PCDHGB5: variants seen among roughly 807,000 people sequenced by gnomAD.
PCDHGB5 encodes the protein protocadherin gamma-B5.
Under a neutral mutation model 62.9 loss-of-function variants are expected in PCDHGB5, and 48 were observed. The observed-to-expected ratio is 0.76, with a 90% CI of 0.61 to 0.97. The LOEUF is 0.97. PCDHGB5 is among the 50% of genes least tolerant of loss of function. The pLI is 0.00. For missense variants in PCDHGB5, 1,118 were observed against 1,198.6 expected, an observed-to-expected ratio of 0.93 and a Z score of 0.99; for synonymous variants, 474 against 511.2, an observed-to-expected ratio of 0.93 and a Z score of 0.98.
At chr5:141,467,649 T>C (rs2099147987) in intron 1 of PCDHGB5, among the ~76,000 whole-genome samples, 1 of 152,146 alleles carries the variant, frequency 6.6e-6, no homozygotes, top group Non-Finnish European at 1.5e-5. Flanking sequence ...TGTACCAAAC[T>C]TCTATAGTGC....
rs1173771781 is a variant in PCDHGB5 at position 141,486,312 on chromosome 5, G to A, written c.2398-8495G>A. Reference sequence around the variant, plus strand: ...ATCAGTGTGCAGGATCCAGACTCAGGGTCAAACGGAGATGTGAGCCTCCGC... The same window carrying A: ...ATCAGTGTGCAGGATCCAGACTCAGAGTCAAACGGAGATGTGAGCCTCCGC... On this transcript the variant is annotated intron_variant, in intron 1 of 3. Coordinates refer to ENST00000617380, the MANE Select transcript of PCDHGB5 (RefSeq NM_018925.3). The surrounding 1 kb of genome is among the most constrained non-coding windows in gnomAD (Gnocchi z 5.0). The A allele has an allele frequency of 1.2e-6, 2 of 1,613,864 alleles. No individual in the cohort carries two copies. Among genetic ancestry groups the A allele is most frequent in the African/African-American group, 1.3e-5 (1 of 74,842 alleles).
rs1187424114 is a variant in PCDHGB5, at chr5:141,485,341, G to A, written c.2398-9466G>A. On this transcript the variant is annotated intron_variant, in intron 1 of 3. Transcript: ENST00000617380. The surrounding 1 kb of genome is among the most constrained non-coding windows in gnomAD (Gnocchi z 5.7). ...TCGCTCAAGATTTCCTGCTGGATAC[G>A]GACAGTCTGTCAGCTCGCAGGCTGC... 2 of 1,614,118 alleles carry A rather than the reference G, an allele frequency of 1.2e-6. No individual in the cohort carries two copies. The highest frequency in any genetic ancestry group is 1.7e-5 in the Admixed American group (1 of 60,018).
In PCDHGB5 at chr5:141,482,160, T is replaced by C. The variant is rs577572891; in HGVS notation, c.2398-12647T>C. Reference sequence around the variant, plus strand: ...GCATAAAAAGGTCAAGTCAAAGATATGTAAGATTAAGGCTTTACGATGCTC... The same window carrying C: ...GCATAAAAAGGTCAAGTCAAAGATACGTAAGATTAAGGCTTTACGATGCTC... On this transcript the variant is annotated intron_variant, in intron 1 of 3. Coordinates refer to ENST00000617380, the MANE Select transcript of PCDHGB5 (RefSeq NM_018925.3). 1.6e-4 allele frequency among the ~76,000 whole-genome samples: 25 copies of C among 151,966 alleles called. No homozygotes were observed. In the South Asian group the frequency reaches 4.0e-3, roughly 24 times the overall value.
At position 141,398,286 on chromosome 5, in the gene PCDHGB5, C is replaced by T. The variant is rs1338652897; in HGVS notation, c.159C>T (p.Asp53=). Reference sequence around the variant, plus strand: ...CCGTAGTGGGGAACCTCGCCACGGACCTGGGGTTCAGCGTCCAGGAGTTAC... The same window carrying T: ...CCGTAGTGGGGAACCTCGCCACGGATCTGGGGTTCAGCGTCCAGGAGTTAC... ...KGSVVGNLAT[D]LGFSVQELPT... The change falls in exon 1 of 4, where the codon GAC becomes GAT. Residue 53 remains aspartate, a synonymous_variant. Coordinates refer to ENST00000617380, the MANE Select transcript of PCDHGB5 (RefSeq NM_018925.3). 1 of 1,395,846 alleles carries T rather than the reference C, an allele frequency of 7.2e-7. No individual in the cohort carries two copies. The highest frequency in any genetic ancestry group is 1.3e-5 in the South Asian group (1 of 76,718). 86.5% of individuals were successfully genotyped at this position (1,395,846 alleles called of 1,614,324 possible).
intron 2 of PCDHGB5, among the ~76,000 whole-genome samples, chr5:141,498,309 G>A (rs2099783046): frequency 6.6e-6 from 1 of 151,844 alleles, no homozygotes; most frequent in Non-Finnish European, 1.5e-5. Flanking sequence ...GGGTCACACT[G>A]CCTACACAGA....
chr5:141,410,746 C>A (rs1489353130), intron 1 of PCDHGB5: 28 of 1,269,804 alleles, frequency 2.2e-5, no homozygotes, highest in Non-Finnish European at 2.7e-5. Flanking sequence ...ACAATATTTT[C>A]TCAATGTTTT....
chr5:141,441,362 G>A (rs1489202253), intron 1 of PCDHGB5: 1 of 152,484 alleles, frequency 6.6e-6, no homozygotes, highest in Non-Finnish European at 1.5e-5. Context: ...AACAAATGGG[G>A]CCGTGGACCA....
intron 3 of PCDHGB5, among the ~76,000 whole-genome samples, chr5:141,508,871 A>T (rs981330486): frequency 5.3e-5 from 8 of 152,062 alleles, no homozygotes; most frequent in East Asian, 3.9e-4. Flanking sequence ...AAGGCTGAAG[A>T]GGCTGACGGC....
chr5:141,452,749 G>A (rs1453824335), intron 1 of PCDHGB5, among the ~76,000 whole-genome samples: 1 of 152,052 alleles, frequency 6.6e-6, no homozygotes, highest in African/African-American at 2.4e-5. Flanking sequence ...AGAGAAGGAA[G>A]AAGGAAGGGA....
At chr5:141,421,843 G>C (rs769652818) in intron 1 of PCDHGB5, 1 of 1,613,798 alleles carries the variant, frequency 6.2e-7, no homozygotes, top group Non-Finnish European at 8.5e-7. Context: ...CCGAGAGAAA[G>C]AGGCTGCTCA....
Position 141,485,549 on chromosome 5 carries a change from G to A in PCDHGB5, c.2398-9258G>A. 6.2e-7 allele frequency: 1 copy of A among 1,614,030 alleles called. No homozygotes were observed. The highest frequency in any genetic ancestry group is 1.1e-5 in the South Asian group (1 of 91,068). On this transcript the variant is annotated intron_variant, in intron 1 of 3. Transcript: ENST00000617380. The surrounding 1 kb of genome is among the most constrained non-coding windows in gnomAD (Gnocchi z 5.7). ...CCGAGCAGAGGTAGAGATCGTAGATGTGAATGATCACGCCCCCCGTTTTCC... is the reference window on the plus strand; with the variant it reads ...CCGAGCAGAGGTAGAGATCGTAGATATGAATGATCACGCCCCCCGTTTTCC...
intron 1 of PCDHGB5, among the ~76,000 whole-genome samples, chr5:141,472,590 C>T (rs1161871973): frequency 6.6e-6 from 1 of 151,908 alleles, no homozygotes; most frequent in Non-Finnish European, 1.5e-5. Flanking sequence ...GTCAGAAGCT[C>T]TCTTGAAATT....
At chr5:141,471,892 T>C (rs1429425311) in intron 1 of PCDHGB5, among the ~76,000 whole-genome samples, 1 of 152,166 alleles carries the variant, frequency 6.6e-6, no homozygotes, top group Admixed American at 6.6e-5. Context: ...GCTAGGAAGA[T>C]TGACTACAGA....
At chr5:141,404,302 T>G (rs377754198) in intron 1 of PCDHGB5, 1 of 1,613,858 alleles carries the variant, frequency 6.2e-7, no homozygotes, top group African/African-American at 1.3e-5. Flanking sequence ...ATAATCCACC[T>G]GCTTTCTCTC....
At chr5:141,483,797 G>GCTGCTTTT (rs1255394691) in intron 1 of PCDHGB5, among the ~76,000 whole-genome samples, 3 of 152,174 alleles carry the variant, frequency 2.0e-5, no homozygotes, top group Non-Finnish European at 4.4e-5. Context: ...TCCAGTTGTT[G>GCTGCTTTT]CTGCTTTTTT....
At chr5:141,419,201 A>C in intron 1 of PCDHGB5, 1 of 1,613,998 alleles carries the variant, frequency 6.2e-7, no homozygotes, top group South Asian at 1.1e-5. Context: ...CGTCAATGAC[A>C]ACGCGCCGGT....
chr5:141,491,119 G>A lies in PCDHGB5; in HGVS notation c.2398-3688G>A. 6.2e-7 allele frequency: 1 copy of A among 1,614,216 alleles called. No individual in the cohort carries two copies. The highest frequency in any genetic ancestry group is 1.1e-5 in the South Asian group (1 of 91,086). ...GTTCCTCGTGTCTACACACACTGGT[G>A]AGGTGCGCACAGCCCGGGCCTTACT... On this transcript the variant is annotated intron_variant, in intron 1 of 3. Transcript: ENST00000617380. The surrounding 1 kb of genome is among the most constrained non-coding windows in gnomAD (Gnocchi z 6.9).
At position 141,402,884 on chromosome 5, in the gene PCDHGB5, T is replaced by C. The variant is rs73792196; in HGVS notation, c.2397+2360T>C. Reference sequence around the variant, plus strand: ...GAAAAGATCACCATACTTTGCAGGGTGGAAGAAAGAACCTGATGAAGCAGC... The same window carrying C: ...GAAAAGATCACCATACTTTGCAGGGCGGAAGAAAGAACCTGATGAAGCAGC... On this transcript the variant is annotated intron_variant, in intron 1 of 3. Transcript: ENST00000617380. The C allele has an allele frequency of 1.4e-3, 2,074 of 1,481,580 alleles. 26 individuals carry two copies. The African/African-American group carries it at 0.026, about 18-fold the overall frequency. The allele number at this position is 1,481,580 out of a possible 1,614,324, so 91.8% of individuals were successfully genotyped here.
In PCDHGB5 at chr5:141,432,006, C is replaced by T. The variant is rs138689793; in HGVS notation, c.2397+31482C>T. Reference sequence around the variant, plus strand: ...ATAGTCTTGGATAGGGAACAGGTTCCTAGCTACAACATCACAGTGACCGCC... The same window carrying T: ...ATAGTCTTGGATAGGGAACAGGTTCTTAGCTACAACATCACAGTGACCGCC... On this transcript the variant is annotated intron_variant, in intron 1 of 3. Transcript: ENST00000617380. This position sits in a 1 kb window ranked among gnomAD's most constrained non-coding sequence, Gnocchi z 6.0. The T allele has an allele frequency of 2.6e-4, 412 of 1,614,186 alleles. 2 individuals carry two copies. The African/African-American group carries it at 4.6e-3, about 18-fold the overall frequency.
Sources: gnomAD v4.1 joint callset for allele counts (sites outside exome capture counted in the v4.1 genomes callset) on GRCh38, gnomAD v4.1.1 for gene constraint, Gnocchi (gnomAD v3.1) non-coding constraint, MANE v1.5 for transcripts, NCBI Gene and HGNC (gene_info 2026-07-23, HGNC 2026-07-21) for gene names.